STX7: variants seen among roughly 807,000 people sequenced by gnomAD.
STX7 encodes syntaxin 7.
Under a neutral mutation model 39.6 loss-of-function variants are expected in STX7, and 34 were observed. The observed-to-expected ratio is 0.86, with a 90% CI of 0.65 to 1.14. The LOEUF is 1.14. Among genes scored for constraint, STX7 ranks in the 50% most tolerant of loss-of-function variants. The pLI, the probability that STX7 is intolerant of heterozygous loss-of-function variation, is 0.00. For missense variants in STX7, 284 were observed against 310.4 expected (o/e 0.92, Z 0.64); for synonymous variants, 119 against 99.1 (o/e 1.20, Z -1.19).
At chr6:132,499,367 G>C (rs7356940) in intron 2 of STX7, among the ~76,000 whole-genome samples, 5,111 of 152,228 alleles carry the variant, frequency 0.034, 301 homozygotes, top group African/African-American at 0.11. Context: ...CTGGCAGCTA[G>C]GTGTAGCCAC....
intron 1 of STX7, among the ~76,000 whole-genome samples, chr6:132,505,363 G>A (rs1383179243): frequency 6.6e-6 from 1 of 152,192 alleles, no homozygotes; most frequent in African/African-American, 2.4e-5. Context: ...CAGCTGAACT[G>A]TTGAGACCAT....
chr6:132,474,794 T>C (rs866739117), intron 3 of STX7, among the ~76,000 whole-genome samples: 2 of 152,230 alleles, frequency 1.3e-5, no homozygotes, highest in African/African-American at 4.8e-5. Flanking sequence ...ATTATCACTA[T>C]GACTGCTGGT....
Position 132,448,083 on chromosome 6 carries a change from C to T in STX7, c.*12675G>A, listed in dbSNP as rs1336323863. The T allele has an allele frequency of 6.6e-6, 1 of 152,104 alleles. No homozygotes were observed. Among genetic ancestry groups the T allele is most frequent in the Non-Finnish European group, 1.5e-5 (1 of 68,024 alleles). The allele number at this position is 152,104 out of a possible 1,614,324, so 9.4% of individuals were successfully genotyped here. On this transcript the variant is annotated 3_prime_UTR_variant, in exon 10 of 10. Coordinates refer to ENST00000367941, the MANE Select transcript of STX7 (RefSeq NM_003569.3). ...TACTTAGATTAACAACATCTAAAGTCATTCATTATCTTAACTTCCATCCTA... is the reference window on the plus strand; with the variant it reads ...TACTTAGATTAACAACATCTAAAGTTATTCATTATCTTAACTTCCATCCTA...
chr6:132,475,560 C>T (rs769626239), intron 3 of STX7, 33 bp downstream of exon 3: 9 of 1,476,152 alleles, frequency 6.1e-6, no homozygotes, highest in Admixed American at 3.8e-5. Flanking sequence ...AGAGTTTTTT[C>T]TTTCTCTTTT....
rs1274451406 is a variant in STX7 at position 132,508,606 on chromosome 6, C to G, written c.-59+4401G>C. Among the ~76,000 whole-genome samples, 4 of 152,292 alleles carry G rather than the reference C, an allele frequency of 2.6e-5. No individual in the cohort carries two copies. The South Asian group carries it at 8.3e-4, about 32-fold the overall frequency. On this transcript the variant is annotated intron_variant, in intron 1 of 9. Coordinates refer to ENST00000367941, the MANE Select transcript of STX7 (RefSeq NM_003569.3). The stretch of plus-strand genomic sequence containing the variant: ...ACTCACTGCAGCCCTGACTTCCAGG[C>G]TCAGGCAATCCTCCCATCTCAGCAT...
chr6:132,470,892 A>G (rs1018544026), intron 5 of STX7, among the ~76,000 whole-genome samples: 5 of 152,196 alleles, frequency 3.3e-5, no homozygotes, highest in Non-Finnish European at 5.9e-5. Flanking sequence ...CAAGGATCAA[A>G]TAAGTATTAT....
At position 132,449,762 on chromosome 6, in the gene STX7, T is replaced by G. The variant is rs1225693735; in HGVS notation, c.*10996A>C. On this transcript the variant is annotated 3_prime_UTR_variant, in exon 10 of 10. Coordinates refer to ENST00000367941, the MANE Select transcript of STX7 (RefSeq NM_003569.3). ...CTTTTAACACATCTCTCATTTCATG[T>G]TCGTTTTAATTCATACATTATTTAA... 1.3e-5 allele frequency: 2 copies of G among 152,224 alleles called. No homozygotes were observed. Among genetic ancestry groups the G allele is most frequent in the African/African-American group, 4.8e-5 (2 of 41,470 alleles). The allele number at this position is 152,224 out of a possible 1,614,324, so 9.4% of individuals were successfully genotyped here. A position where few individuals can be genotyped will look rare whatever the true frequency, so the allele number is the denominator to read the frequency against.
intron 2 of STX7, among the ~76,000 whole-genome samples, chr6:132,495,950 A>T (rs1222848800): frequency 2.0e-5 from 3 of 152,214 alleles, no homozygotes; most frequent in Non-Finnish European, 4.4e-5. Context: ...TCTATGCTGA[A>T]CTAATACCTT....
intron 2 of STX7, among the ~76,000 whole-genome samples, chr6:132,476,592 A>C (rs547663343): frequency 3.5e-4 from 53 of 152,300 alleles, no homozygotes; most frequent in Admixed American, 1.1e-3. Flanking sequence ...ACAACTGGAG[A>C]AATTTGAATA....
At position 132,460,676 on chromosome 6, in the gene STX7, A is replaced by G; in HGVS notation, c.*82T>C. The G allele has an allele frequency of 1.8e-6, 2 of 1,132,630 alleles. No homozygotes were observed. Among genetic ancestry groups the G allele is most frequent in the Non-Finnish European group, 2.6e-6 (2 of 783,670 alleles). The allele number at this position is 1,132,630 out of a possible 1,614,324, so 70.2% of individuals were successfully genotyped here. On this transcript the variant is annotated 3_prime_UTR_variant, in exon 10 of 10. Transcript: ENST00000367941. ...CCATCCTTTATACAATAGCTTTAAA[A>G]TAATAATTAAAAAAACATGATTACA...
Position 132,464,047 on chromosome 6 carries a change from T to A in STX7, c.639A>T (p.Ala213=), listed in dbSNP as rs1238795966. Reference sequence around the variant, plus strand: ...GATTTGCTTGCTGAACGTGCACCTCTGCATTTTCCACATTGGCTTCTATGC... The same window carrying A: ...GATTTGCTTGCTGAACGTGCACCTCAGCATTTTCCACATTGGCTTCTATGC... ...IDSIEANVEN[A]EVHVQQANQQ... Residue 213 remains alanine, a synonymous_variant, in exon 9 of 10, where the codon GCA becomes GCT. Transcript: ENST00000367941. 1 of 1,614,120 alleles carries A rather than the reference T, an allele frequency of 6.2e-7. No homozygotes were observed. The highest frequency in any genetic ancestry group is 2.2e-5 in the East Asian group (1 of 44,874).
chr6:132,478,448 A>G (rs1374068508), intron 2 of STX7, among the ~76,000 whole-genome samples: 1 of 152,132 alleles, frequency 6.6e-6, no homozygotes, highest in Non-Finnish European at 1.5e-5. Context: ...GTTCTCACTC[A>G]TACTCCCTGA....
At chr6:132,478,931 T>C (rs1360804289) in intron 2 of STX7, among the ~76,000 whole-genome samples, 1 of 152,206 alleles carries the variant, frequency 6.6e-6, no homozygotes, top group Non-Finnish European at 1.5e-5. Context: ...AGGATACGGA[T>C]CATCTCCTCC....
At chr6:132,505,500 C>G (rs904116234) in intron 1 of STX7, among the ~76,000 whole-genome samples, 3 of 152,106 alleles carry the variant, frequency 2.0e-5, no homozygotes, top group African/African-American at 7.2e-5. Context: ...CTATTCTGGG[C>G]TCTCTGGGTC....
In STX7 at chr6:132,475,633, G is replaced by C. The variant is rs1459272607; in HGVS notation, c.115C>G (p.Leu39Val). 6 of 1,609,044 alleles carry C rather than the reference G, an allele frequency of 3.7e-6. No homozygotes were observed. The highest frequency in any genetic ancestry group is 1.1e-5 in the South Asian group (1 of 90,152). The change falls in exon 3 of 10, where the codon CTT (leucine) becomes GTT (valine). Residue 39 changes from leucine (L) to valine (V), a missense_variant. Coordinates refer to ENST00000367941, the MANE Select transcript of STX7 (RefSeq NM_003569.3). ...SVEIQRTLNQLGTPQDSPELR... is the reference protein window; with the variant it reads ...SVEIQRTLNQVGTPQDSPELR... The stretch of plus-strand genomic sequence containing the variant: ...TCAGGTGAATCTTGAGGTGTTCCAA[G>C]TTGATTCAGAGTTCTTTGTATTTCC...
chr6:132,482,351 A>G (rs1486541750), intron 2 of STX7, among the ~76,000 whole-genome samples: 2 of 152,192 alleles, frequency 1.3e-5, no homozygotes, highest in East Asian at 3.9e-4. Context: ...TAAAGGCATC[A>G]TCTGATCAGG....
Position 132,503,497 on chromosome 6 carries a change from C to A in STX7, c.34G>T (p.Ala12Ser). 1 of 1,613,932 alleles carries A rather than the reference C, an allele frequency of 6.2e-7. No homozygotes were observed. Among genetic ancestry groups the A allele is most frequent in the Non-Finnish European group, 8.5e-7 (1 of 1,179,894 alleles). Residue 12 changes from alanine (A) to serine (S), a missense_variant, in exon 2 of 10, where the codon GCC becomes TCC. Physicochemically the swap from Ala to Ser is moderately conservative, Grantham distance 99. Transcript: ENST00000367941. ...GAAGAGATCCTCTGGGCCAACTGGG[C>A]GGGGTCACCACCAACTCCTGGAGTG... is the stretch of plus-strand genomic sequence containing the variant. ...SYTPGVGGDPAQLAQRISSNI... is the reference protein window; with the variant it reads ...SYTPGVGGDPSQLAQRISSNI...
chr6:132,475,467 A>G, intron 3 of STX7, 126 bp downstream of exon 3: 1 of 537,810 alleles, frequency 1.9e-6, no homozygotes, highest in Non-Finnish European at 3.0e-6. Context: ...ATAAGGTAGC[A>G]GAAAAACTCC....
In STX7 at chr6:132,449,317, TG is replaced by T. The variant is rs1326995599; in HGVS notation, c.*11440del. ...CTTAATTTTTTTTGTAGAGATGGAG[TG>T]GGGGCTCTTGCTTCATTTCCCAGGT... On this transcript the variant is annotated 3_prime_UTR_variant, in exon 10 of 10. Coordinates refer to ENST00000367941, the MANE Select transcript of STX7 (RefSeq NM_003569.3). 2.6e-5 allele frequency: 4 copies of T among 151,826 alleles called. No individual in the cohort carries two copies. Among genetic ancestry groups the T allele is most frequent in the Non-Finnish European group, 4.4e-5 (3 of 67,984 alleles). The allele number at this position is 151,826 out of a possible 1,614,324, so 9.4% of individuals were successfully genotyped here.
Sources: gnomAD v4.1 joint callset for allele counts (sites outside exome capture counted in the v4.1 genomes callset) on GRCh38, gnomAD v4.1.1 for gene constraint, MANE v1.5 for transcripts, NCBI Gene and HGNC (gene_info 2026-07-23, HGNC 2026-07-21) for gene names.